TRPM3: variants seen among roughly 807,000 people sequenced by gnomAD.
The protein encoded by TRPM3 is transient receptor potential cation channel subfamily M member 3, also known as long transient receptor potential channel 3.
In TRPM3, 77 loss-of-function variants were observed where a neutral mutation model predicts 181.2. The ratio of observed to expected loss-of-function variants is 0.42; its 90% CI spans 0.35 to 0.51. The LOEUF (loss-of-function observed/expected upper bound fraction) is 0.51. Among genes scored for constraint, TRPM3 ranks in the 20% least tolerant of loss-of-function variants. The pLI is 0.01. For synonymous variants in TRPM3, 745 were observed against 796.4 expected (o/e 0.94, Z 1.09); for missense variants, 1,759 against 2,196.7 (o/e 0.80, Z 3.98).
chr9:71,366,776 T>C (rs948707709), intron 1 of TRPM3, among the ~76,000 whole-genome samples: 1 of 152,190 alleles, frequency 6.6e-6, no homozygotes, highest in Non-Finnish European at 1.5e-5. Context: ...TTACTATTTT[T>C]ACTATTTACT....
chr9:70,969,779 T>TATATATATATAC (rs900528837), intron 1 of TRPM3, among the ~76,000 whole-genome samples: 2 of 139,842 alleles, frequency 1.4e-5, no homozygotes, highest in Non-Finnish European at 3.1e-5. Context: ...TATATATATA[T>TATATATATATAC]ACACACACAC....
intron 1 of TRPM3, among the ~76,000 whole-genome samples, chr9:71,142,702 A>G (rs1418075429): frequency 6.7e-6 from 1 of 148,888 alleles, no homozygotes; most frequent in Non-Finnish European, 1.5e-5. Flanking sequence ...TTTATATTTA[A>G]AAAATTTGCA....
At chr9:71,078,732 C>A (rs1417184928) in intron 1 of TRPM3, among the ~76,000 whole-genome samples, 1 of 152,198 alleles carries the variant, frequency 6.6e-6, no homozygotes, top group Non-Finnish European at 1.5e-5. Flanking sequence ...AGTCTCTCTG[C>A]TGGCAAGGCC....
chr9:70,796,854 C>T (rs1313461330), intron 6 of TRPM3, among the ~76,000 whole-genome samples: 1 of 152,276 alleles, frequency 6.6e-6, no homozygotes, highest in South Asian at 2.1e-4. Context: ...GGGGGCTGGG[C>T]ATGGTGGCTC....
intron 1 of TRPM3, among the ~76,000 whole-genome samples, chr9:71,166,776 A>G (rs991184807): frequency 5.9e-5 from 9 of 152,236 alleles, no homozygotes; most frequent in Non-Finnish European, 1.0e-4. Context: ...GAAATACATT[A>G]TATCTTTGAT....
At chr9:70,980,067 G>GCACACACACACACA (rs10527749) in intron 1 of TRPM3, among the ~76,000 whole-genome samples, 10,541 of 137,852 alleles carry the variant, frequency 0.076, 463 homozygotes, top group East Asian at 0.1. Flanking sequence ...GCATGTGCGT[G>GCACACACACACACA]CACACACACA....
At chr9:70,568,459 C>T (rs1412074494) in intron 22 of TRPM3, among the ~76,000 whole-genome samples, 1 of 152,276 alleles carries the variant, frequency 6.6e-6, no homozygotes, top group East Asian at 1.9e-4. Flanking sequence ...GGCATAAACC[C>T]TACAGAAAAC....
At chr9:71,434,894 A>G (rs928347433) in intron 1 of TRPM3, among the ~76,000 whole-genome samples, 2 of 152,214 alleles carry the variant, frequency 1.3e-5, no homozygotes, top group East Asian at 3.8e-4. Context: ...ATGTCCTCAA[A>G]TAACAGGAAA....
At chr9:70,938,679 G>A (rs577197551) in intron 1 of TRPM3, among the ~76,000 whole-genome samples, 3 of 152,028 alleles carry the variant, frequency 2.0e-5, no homozygotes, top group Admixed American at 6.6e-5. Context: ...TCTTTTGGGC[G>A]CGGTGGCTCA....
chr9:70,750,656 T>C (rs780583573), intron 8 of TRPM3, among the ~76,000 whole-genome samples: 39 of 152,146 alleles, frequency 2.6e-4, no homozygotes, highest in Non-Finnish European at 3.4e-4. Flanking sequence ...TCAGAATAAC[T>C]TGGCCACAAT....
At chr9:71,120,653 T>A (rs1565241222) in intron 1 of TRPM3, among the ~76,000 whole-genome samples, 1 of 152,216 alleles carries the variant, frequency 6.6e-6, no homozygotes. Context: ...AGTCACTGTC[T>A]GAGGAGGCTC....
intron 1 of TRPM3, among the ~76,000 whole-genome samples, chr9:70,966,969 T>C (rs1214675661): frequency 1.3e-5 from 2 of 152,054 alleles, no homozygotes; most frequent in African/African-American, 2.4e-5. Flanking sequence ...ATACTTAATA[T>C]ATAAATGAAA....
chr9:70,580,046 A>C (rs1234063423), intron 22 of TRPM3, among the ~76,000 whole-genome samples: 1 of 152,222 alleles, frequency 6.6e-6, no homozygotes, highest in Non-Finnish European at 1.5e-5. Flanking sequence ...CTTCACATTA[A>C]GGCGAGAAGA....
intron 5 of TRPM3, among the ~76,000 whole-genome samples, chr9:70,836,189 T>G (rs985639939): frequency 5.3e-5 from 8 of 152,186 alleles, no homozygotes; most frequent in Admixed American, 2.0e-4. Context: ...GTACCCACAG[T>G]TGATCTTTCC....
Position 71,146,215 on chromosome 9 carries a change from T to G in TRPM3, c.184-281704A>C, listed in dbSNP as rs546510408. On this transcript the variant is annotated intron_variant, in intron 1 of 24. Transcript: ENST00000357533. ...ATGTGGGTACACAATGACACAGTGA[T>G]ATAAAGTCAGCTTTTGCAAGCCATA... 5.2e-4 allele frequency among the ~76,000 whole-genome samples: 79 copies of G among 152,306 alleles called. 1 individual carries two copies. The South Asian group carries it at 0.016, about 31-fold the overall frequency.
intron 1 of TRPM3, among the ~76,000 whole-genome samples, chr9:71,093,352 A>T (rs1340993490): frequency 6.6e-6 from 1 of 152,200 alleles, no homozygotes; most frequent in African/African-American, 2.4e-5. Flanking sequence ...AAGGACTAAT[A>T]TCCAGAATCT....
Position 70,536,935 on chromosome 9 carries a change from G to A in TRPM3, c.4178C>T (p.Ala1393Val), listed in dbSNP as rs571207683. 56 of 1,614,216 alleles carry A rather than the reference G, an allele frequency of 3.5e-5. No homozygotes were observed. The highest frequency in any genetic ancestry group is 5.0e-5 in the Admixed American group (3 of 60,028). Reference sequence around the variant, plus strand: ...AATGGCCAAGGTGTTGGCAGGGGCTGCAGGAGCTTTGGGTTCTTTTGCTAC... The same window carrying A: ...AATGGCCAAGGTGTTGGCAGGGGCTACAGGAGCTTTGGGTTCTTTTGCTAC... ...HSVAKEPKAP[A>V]APANTLAIVP... Residue 1393 changes from alanine (A) to valine (V), a missense_variant, in exon 26 of 26, where the codon GCA (alanine) becomes GTA (valine). Physicochemically the swap from Ala to Val is moderately conservative, Grantham distance 64. This residue lies in a region of TRPM3 where 612 missense variants were observed against 590.0 expected (regional missense o/e 1.04). Transcript: ENST00000677713.
intron 1 of TRPM3, among the ~76,000 whole-genome samples, chr9:71,097,203 A>G (rs1399401890): frequency 9.9e-5 from 15 of 152,146 alleles, no homozygotes; most frequent in Admixed American, 7.2e-4. Flanking sequence ...AATATATAAA[A>G]CAATAGAAAT....
chr9:70,900,143 G>T (rs2096362791), intron 1 of TRPM3, among the ~76,000 whole-genome samples: 1 of 152,086 alleles, frequency 6.6e-6, no homozygotes, highest in Non-Finnish European at 1.5e-5. Flanking sequence ...CTTATTAGGG[G>T]ACAAGAAATA....
Sources: gnomAD v4.1 joint callset for allele counts (sites outside exome capture counted in the v4.1 genomes callset) on GRCh38, gnomAD v4.1.1 for gene constraint, gnomAD v4.1.1 regional missense constraint, MANE v1.5 for transcripts, NCBI Gene and HGNC (gene_info 2026-07-23, HGNC 2026-07-21) for gene names.